Variants in TENM4 observed in about 807,000 individuals in gnomAD.
TENM4 encodes the protein teneurin transmembrane protein 4, also known as teneurin-4.
In TENM4, 82 loss-of-function variants were observed where a neutral mutation model predicts 243.3. The observed-to-expected ratio is 0.34, with a 90% CI of 0.28 to 0.40. The LOEUF (loss-of-function observed/expected upper bound fraction) is 0.40. Among genes scored for constraint, TENM4 ranks in the 10% least tolerant of loss-of-function variants. The probability of loss-of-function intolerance (pLI) is 1.00; values close to 1 mark genes in which losing one functional copy is unlikely to be tolerated. For missense variants in TENM4, 3,138 were observed against 3,673.3 expected, an observed-to-expected ratio of 0.85 and a Z score of 3.77; for synonymous variants, 1,412 against 1,456.3, an observed-to-expected ratio of 0.97 and a Z score of 0.69.
rs370715239 is a variant in TENM4 at position 78,903,369 on chromosome 11, C to G, written c.648G>C (p.Thr216=). 2.6e-3 allele frequency: 3,917 copies of G among 1,513,104 alleles called. 37 individuals are homozygous for G. The highest frequency in any genetic ancestry group is 1.7e-3 in the Non-Finnish European group (1,882 of 1,130,366). The allele number at this position is 1,513,104 out of a possible 1,614,324, so 93.7% of individuals were successfully genotyped here. Residue 216 remains threonine, a synonymous_variant, in exon 7 of 34, where the codon ACG becomes ACC. Transcript: ENST00000278550. ...TPRSNPSPAP[T]DHSLSGEPPA... The stretch of plus-strand genomic sequence containing the variant: ...GGGGCTCTCCGGAGAGCGAGTGGTC[C>G]GTGGGGGCCGGGCTGGGGTTGCTCC...
At chr11:79,029,850 C>A (rs540363002) in intron 6 of TENM4, among the ~76,000 whole-genome samples, 23 of 152,258 alleles carry the variant, frequency 1.5e-4, no homozygotes, top group African/African-American at 5.1e-4. Flanking sequence ...TCGGTAACAG[C>A]TTTTATTTTG....
intron 6 of TENM4, among the ~76,000 whole-genome samples, chr11:79,015,658 C>T (rs186313291): frequency 2.6e-5 from 4 of 152,166 alleles, no homozygotes; most frequent in African/African-American, 9.7e-5. Flanking sequence ...ACTAATTCCA[C>T]AGTACTTGAG....
chr11:78,741,544 A>G (rs969419041), intron 19 of TENM4, among the ~76,000 whole-genome samples: 4 of 152,220 alleles, frequency 2.6e-5, no homozygotes, highest in Non-Finnish European at 5.9e-5. Context: ...AAATAATTAG[A>G]AAGTAGTAAG....
chr11:79,286,977 A>C (rs2135374948), intron 2 of TENM4, among the ~76,000 whole-genome samples: 1 of 152,360 alleles, frequency 6.6e-6, no homozygotes, highest in African/African-American at 2.4e-5. Flanking sequence ...CATAGACCAC[A>C]TACATTCAGG....
intron 18 of TENM4, among the ~76,000 whole-genome samples, chr11:78,760,218 G>C (rs543968660): frequency 6.6e-6 from 1 of 152,282 alleles, no homozygotes; most frequent in Non-Finnish European, 1.5e-5. Context: ...ACTGACCCAG[G>C]TCAGGCCTGT....
At chr11:78,768,455 C>T (rs1241930880) in intron 18 of TENM4, among the ~76,000 whole-genome samples, 2 of 152,246 alleles carry the variant, frequency 1.3e-5, no homozygotes, top group African/African-American at 4.8e-5. Flanking sequence ...GCTCCTTTAT[C>T]CTGGCAATTG....
At chr11:78,811,713 C>A (rs1000236139) in intron 14 of TENM4, among the ~76,000 whole-genome samples, 1 of 152,120 alleles carries the variant, frequency 6.6e-6, no homozygotes, top group African/African-American at 2.4e-5. Context: ...AGAACTTGGG[C>A]TATGGAGCCA....
In TENM4 at chr11:79,438,158, G is replaced by C. The variant is rs1428645701; in HGVS notation, c.-321+2351C>G. On this transcript the variant is annotated intron_variant, in intron 1 of 33. Coordinates refer to ENST00000278550, the MANE Select transcript of TENM4 (RefSeq NM_001098816.3). This position sits in a 1 kb window ranked among gnomAD's most constrained non-coding sequence, Gnocchi z 4.1. ...GCACATCACCATCTCCTGACTGCGG[G>C]CTGGGGGGAAGGGAGTTCAGGGCCA... is the stretch of plus-strand genomic sequence containing the variant. 6.6e-6 allele frequency among the ~76,000 whole-genome samples: 1 copy of C among 152,146 alleles called. No homozygotes were observed.
chr11:78,903,872 A>T, intron 6 of TENM4: 1 of 558,588 alleles, frequency 1.8e-6, no homozygotes, highest in Non-Finnish European at 3.4e-6. Flanking sequence ...GCCAGGGACC[A>T]GCAGCTTCAG....
At position 78,873,752 on chromosome 11, in the gene TENM4, T is replaced by C. The variant is rs1176928009; in HGVS notation, c.1085-10620A>G. Among the ~76,000 whole-genome samples the C allele has an allele frequency of 2.6e-5, 4 of 152,324 alleles. No individual in the cohort carries two copies. The South Asian group carries it at 6.2e-4, about 24-fold the overall frequency. ...TATCTCTTCAGAACAGAAAGGATGT[T>C]AAAAGAGCATTTTAAATGTGTGTTG... On this transcript the variant is annotated intron_variant, in intron 9 of 33. Transcript: ENST00000278550.
At chr11:78,688,281 A>T in intron 28 of TENM4, 55 bp from the exon 29 acceptor site, 3 of 1,556,378 alleles carry the variant, frequency 1.9e-6, no homozygotes, top group Non-Finnish European at 2.6e-6. Context: ...CTCTAGCTGG[A>T]ACTTGGTGCA....
chr11:79,212,423 C>T (rs1186503760), intron 3 of TENM4, among the ~76,000 whole-genome samples: 1 of 152,210 alleles, frequency 6.6e-6, no homozygotes, highest in Non-Finnish European at 1.5e-5. Flanking sequence ...TTTTCTTCTC[C>T]TCTTCCCTTT....
Position 78,910,220 on chromosome 11 carries a change from G to A in TENM4, c.494-6697C>T, listed in dbSNP as rs570314791. Among the ~76,000 whole-genome samples, 4 of 152,322 alleles carry A rather than the reference G, an allele frequency of 2.6e-5. No individual in the cohort carries two copies. In the East Asian group the frequency reaches 5.8e-4, roughly 22 times the overall value. ...GCAAATGGCAGACAGGTGCCTGAAG[G>A]TCTCCTTGCTACGGAGCTAATGATG... On this transcript the variant is annotated intron_variant, in intron 6 of 33. Transcript: ENST00000278550.
chr11:79,324,422 T>A (rs528215361), intron 1 of TENM4, among the ~76,000 whole-genome samples: 6 of 152,110 alleles, frequency 3.9e-5, no homozygotes, highest in Non-Finnish European at 7.4e-5. Flanking sequence ...GGTCTCGCTA[T>A]GTTGACCAGG....
Position 78,862,892 on chromosome 11 carries a change from G to A in TENM4, c.1255+70C>T, listed in dbSNP as rs185926511. ...TGAGCCAGGCACATGATGCACGCAC[G>A]TTATGGAGGGCTCTTCAGCTCAGAG... On this transcript the variant is annotated intron_variant, in intron 10 of 33. Coordinates refer to ENST00000278550, the MANE Select transcript of TENM4 (RefSeq NM_001098816.3). The A allele has an allele frequency of 2.2e-3, 2,917 of 1,310,898 alleles. 19 individuals are homozygous for A. The highest frequency in any genetic ancestry group is 2.0e-3 in the Non-Finnish European group (1,987 of 1,013,244). 81.2% of individuals were successfully genotyped at this position (1,310,898 alleles called of 1,614,324 possible).
At chr11:79,087,899 G>C (rs2137045118) in intron 4 of TENM4, among the ~76,000 whole-genome samples, 1 of 152,318 alleles carries the variant, frequency 6.6e-6, no homozygotes, top group African/African-American at 2.4e-5. Flanking sequence ...GCTCTTGTGG[G>C]CTGAGCAGAG....
rs1859259476 is a variant in TENM4 at position 79,435,722 on chromosome 11, C to T, written c.-321+4787G>A. On this transcript the variant is annotated intron_variant, in intron 1 of 33. Coordinates refer to ENST00000278550, the MANE Select transcript of TENM4 (RefSeq NM_001098816.3). ...GGAGACTTGCACCACTGGTGCTTAT[C>T]AAGTCTCATTTTCCTTCAACCTCTA... is the stretch of plus-strand genomic sequence containing the variant. Among the ~76,000 whole-genome samples, 3 of 152,176 alleles carry T rather than the reference C, an allele frequency of 2.0e-5. No individual in the cohort carries two copies. In the South Asian group the frequency reaches 6.2e-4, roughly 32 times the overall value.
chr11:78,983,677 G>A (rs1184969767), intron 6 of TENM4, among the ~76,000 whole-genome samples: 1 of 152,178 alleles, frequency 6.6e-6, no homozygotes, highest in Non-Finnish European at 1.5e-5. Flanking sequence ...CTGCCCCCAG[G>A]GCATGCCTAC....
chr11:79,025,365 G>A (rs1859050355), intron 6 of TENM4, among the ~76,000 whole-genome samples: 1 of 152,198 alleles, frequency 6.6e-6, no homozygotes, highest in Admixed American at 6.5e-5. Context: ...CAGGCCCTAA[G>A]GACGGTTCTG....
Sources: allele counts gnomAD v4.1 joint callset (sites outside exome capture counted in the v4.1 genomes callset), GRCh38; gene constraint gnomAD v4.1.1; non-coding constraint Gnocchi (gnomAD v3.1); transcripts MANE v1.5; gene names NCBI Gene and HGNC (gene_info 2026-07-23, HGNC 2026-07-21).